Variants in ALCAM observed in about 807,000 individuals in gnomAD.
ALCAM encodes CD166 antigen.
ALCAM carries 30 observed loss-of-function variants against 70.9 expected under a neutral mutation model. The ratio of observed to expected loss-of-function variants is 0.42; its 90% confidence interval spans 0.32 to 0.57. ALCAM has a LOEUF of 0.57. Among genes scored for constraint, ALCAM ranks in the 20% least tolerant of loss-of-function variants. ALCAM has a pLI of 0.11. For missense variants in ALCAM, 591 were observed against 695.1 expected (o/e 0.85, Z 1.68); for synonymous variants, 249 against 242.5 (o/e 1.03, Z -0.25).
At chr3:105,502,463 C>G (rs1208393453) in intron 1 of ALCAM, among the ~76,000 whole-genome samples, 2 of 152,096 alleles carry the variant, frequency 1.3e-5, no homozygotes, top group Admixed American at 1.3e-4. Context: ...TTTCCCAGAG[C>G]CGGGGCATTT....
chr3:105,519,493 A>T (rs1939473734), intron 1 of ALCAM, among the ~76,000 whole-genome samples: 1 of 152,092 alleles, frequency 6.6e-6, no homozygotes, highest in Non-Finnish European at 1.5e-5. Flanking sequence ...TTAAATTAGT[A>T]TTTTAATTTA....
At chr3:105,540,238 CT>C in intron 7 of ALCAM, 136 bp downstream of exon 7, 1 of 842,386 alleles carries the variant, frequency 1.2e-6, no homozygotes, top group Non-Finnish European at 1.7e-6. Flanking sequence ...CACGTGGAAG[CT>C]TTTTCTGCAC....
At position 105,507,131 on chromosome 3, in the gene ALCAM, A is replaced by C. The variant is rs150562730; in HGVS notation, c.74-12936A>C. Among the ~76,000 whole-genome samples the C allele has an allele frequency of 8.5e-5, 13 of 152,184 alleles. No individual in the cohort carries two copies. In the East Asian group the frequency reaches 2.1e-3, roughly 25 times the overall value. On this transcript the variant is annotated intron_variant, in intron 1 of 15. Transcript: ENST00000306107. ...TTTATCTGTTCTTAGTTTATGGAAA[A>C]ATTTGAGTGGAAAGTAAAGAGCTCC...
At chr3:105,525,403 C>T (rs1210081784) in intron 3 of ALCAM, 2 of 958,738 alleles carry the variant, frequency 2.1e-6, no homozygotes, top group African/African-American at 3.5e-5. Flanking sequence ...AGTCCCGCCT[C>T]TATTACTTCA....
At chr3:105,371,670 C>A (rs1935236412) in intron 1 of ALCAM, among the ~76,000 whole-genome samples, 1 of 151,934 alleles carries the variant, frequency 6.6e-6, no homozygotes, top group Non-Finnish European at 1.5e-5. Context: ...TTTATAATCA[C>A]CATGTTTTAC....
Position 105,424,453 on chromosome 3 carries a change from G to A in ALCAM, c.73+56972G>A, listed in dbSNP as rs146849223. Among the ~76,000 whole-genome samples, 495 of 151,724 alleles carry A rather than the reference G, an allele frequency of 3.3e-3. 2 individuals carry two copies. Among genetic ancestry groups the A allele is most frequent in the African/African-American group, 0.012 (485 of 41,452 alleles). On this transcript the variant is annotated intron_variant, in intron 1 of 15. Coordinates refer to ENST00000306107, the MANE Select transcript of ALCAM (RefSeq NM_001627.4). ...ACATTTCAGGCAAAATAAATATTGT[G>A]AGCATAAGCATATTGGTGTTGAAAT...
intron 1 of ALCAM, among the ~76,000 whole-genome samples, chr3:105,395,912 A>T (rs1347924486): frequency 6.6e-6 from 1 of 151,954 alleles, no homozygotes; most frequent in African/African-American, 2.4e-5. Flanking sequence ...GTTCTCCTCC[A>T]TTTAATAAAC....
At chr3:105,554,397 A>G (rs1268787568) in intron 14 of ALCAM, among the ~76,000 whole-genome samples, 1 of 151,880 alleles carries the variant, frequency 6.6e-6, no homozygotes, top group Admixed American at 6.6e-5. Flanking sequence ...TTCCATTCAT[A>G]TCTTCACTGA....
At chr3:105,471,896 T>C (rs1250669665) in intron 1 of ALCAM, among the ~76,000 whole-genome samples, 5 of 151,328 alleles carry the variant, frequency 3.3e-5, no homozygotes, top group Admixed American at 1.3e-4. Flanking sequence ...CTTGAAGTCA[T>C]TCCTCCTAAC....
At chr3:105,393,639 C>A (rs1935878015) in intron 1 of ALCAM, among the ~76,000 whole-genome samples, 1 of 151,828 alleles carries the variant, frequency 6.6e-6, no homozygotes, top group Admixed American at 6.6e-5. Context: ...TTGCTAACTC[C>A]TGGTATAAAG....
At chr3:105,533,370 C>G (rs1371712406) in intron 4 of ALCAM, among the ~76,000 whole-genome samples, 2 of 152,140 alleles carry the variant, frequency 1.3e-5, no homozygotes, top group East Asian at 3.9e-4. Flanking sequence ...GTGACACCAT[C>G]TATTGCACAT....
At chr3:105,374,109 C>A (rs1935313874) in intron 1 of ALCAM, among the ~76,000 whole-genome samples, 1 of 152,132 alleles carries the variant, frequency 6.6e-6, no homozygotes, top group Non-Finnish European at 1.5e-5. Context: ...AGGAGTTGGG[C>A]CAAATGTGGT....
intron 1 of ALCAM, among the ~76,000 whole-genome samples, chr3:105,400,803 A>G (rs764651418): frequency 1.3e-5 from 2 of 152,200 alleles, no homozygotes. Context: ...ACCAGGGATT[A>G]GATTTCTACT....
At chr3:105,496,481 T>A (rs779985284) in intron 1 of ALCAM, among the ~76,000 whole-genome samples, 2 of 151,824 alleles carry the variant, frequency 1.3e-5, no homozygotes, top group Non-Finnish European at 2.9e-5. Flanking sequence ...CTTTGAATGC[T>A]AACACTAAAC....
chr3:105,556,356 A>G (rs1227393699), intron 14 of ALCAM, among the ~76,000 whole-genome samples: 2 of 152,090 alleles, frequency 1.3e-5, no homozygotes, highest in Non-Finnish European at 2.9e-5. Flanking sequence ...TTAACCAAAC[A>G]TCTGTAATCT....
intron 1 of ALCAM, among the ~76,000 whole-genome samples, chr3:105,451,899 C>G (rs544599982): frequency 1.1e-3 from 175 of 152,236 alleles, no homozygotes; most frequent in Non-Finnish European, 2.3e-3. Context: ...AAATTCACCC[C>G]ATATACACTC....
intron 1 of ALCAM, among the ~76,000 whole-genome samples, chr3:105,463,798 T>C (rs1488863187): frequency 6.6e-6 from 1 of 151,406 alleles, no homozygotes; most frequent in Non-Finnish European, 1.5e-5. Context: ...TATTTGGAAA[T>C]CTGGGAGATT....
rs112247251 is a variant in ALCAM at position 105,576,149 on chromosome 3, C to G, written c.*1698C>G. On this transcript the variant is annotated 3_prime_UTR_variant, in exon 16 of 16. Coordinates refer to ENST00000306107, the MANE Select transcript of ALCAM (RefSeq NM_001627.4). ...AAAAAAAGAAAATACGTTATTTTGC[C>G]TCTAAACTTTTATTGAAGTTTTATT... 2.0e-5 allele frequency: 3 copies of G among 152,496 alleles called. No individual in the cohort carries two copies. The highest frequency in any genetic ancestry group is 7.2e-5 in the African/African-American group (3 of 41,424). The allele number at this position is 152,496 out of a possible 1,614,324, so 9.4% of individuals were successfully genotyped here.
rs140687551 is a variant in ALCAM at position 105,513,088 on chromosome 3, A to G, written c.74-6979A>G. On this transcript the variant is annotated intron_variant, in intron 1 of 15. Transcript: ENST00000306107. ...TATTCTTTCTGCCTATCCCCCCCAA[A>G]GCACCCCCTTCCCACGCATACAGAG... is the stretch of plus-strand genomic sequence containing the variant. 3.2e-4 allele frequency among the ~76,000 whole-genome samples: 43 copies of G among 133,502 alleles called. 1 individual carries two copies. The East Asian group carries it at 0.011, about 34-fold the overall frequency. The allele number at this position is 133,502 out of a possible 152,430, so 87.6% of individuals were successfully genotyped here.
Sources: gnomAD v4.1 joint callset for allele counts (sites outside exome capture counted in the v4.1 genomes callset) on GRCh38, gnomAD v4.1.1 for gene constraint, MANE v1.5 for transcripts, NCBI Gene and HGNC (gene_info 2026-07-23, HGNC 2026-07-21) for gene names.